The following SP7 variants were observed in gnomAD, a reference collection of about 807,000 sequenced individuals.
The protein encoded by SP7 is transcription factor Sp7.
Under a neutral mutation model 27.9 loss-of-function variants are expected in SP7, and 13 were observed. The observed-to-expected ratio is 0.47, with a 90% confidence interval of 0.30 to 0.74. The LOEUF (loss-of-function observed/expected upper bound fraction) is 0.74, where lower values mean the gene tolerates loss of function less well. Among genes scored for constraint, SP7 ranks in the 30% least tolerant of loss-of-function variants. The pLI is 0.06. For synonymous variants in SP7, 219 were observed against 226.7 expected, an observed-to-expected ratio of 0.97 and a Z score of 0.31; for missense variants, 525 against 558.0, an observed-to-expected ratio of 0.94 and a Z score of 0.60.
At position 53,329,198 on chromosome 12, in the gene SP7, G is replaced by C; in HGVS notation, c.244C>G (p.Pro82Ala). The change falls in exon 3 of 3, where the codon CCA becomes GCA. Residue 82 changes from proline to alanine, a missense_variant. Physicochemically the swap from Pro to Ala is conservative, Grantham distance 27. Coordinates refer to ENST00000536324, the MANE Select transcript of SP7 (RefSeq NM_001173467.3). ...TTAGCATAGCCTGAGGTGGGTGCTG[G>C]AGGACTGCCTGCAGGTGAAAGGAGC... ...NGLLSPAGSP[P>A]APTSGYANDY... is the part of the protein sequence containing the mutation. 6.2e-7 allele frequency: 1 copy of C among 1,613,840 alleles called. No homozygotes were observed. The highest frequency in any genetic ancestry group is 8.5e-7 in the Non-Finnish European group (1 of 1,179,890).
chr12:53,328,123 G>A lies in SP7; in HGVS notation c.*23C>T. The stretch of plus-strand genomic sequence containing the variant: ...AAGAGAGACTGTCAGGGCAGCCCTG[G>A]GGTGGGAGACCTTCCACCCGGCTCA... On this transcript the variant is annotated 3_prime_UTR_variant, in exon 3 of 3. Transcript: ENST00000536324. The surrounding 1 kb of genome is among the most constrained non-coding windows in gnomAD (Gnocchi z 5.1). 6.3e-7 allele frequency: 1 copy of A among 1,583,546 alleles called. No individual in the cohort carries two copies. The highest frequency in any genetic ancestry group is 8.6e-7 in the Non-Finnish European group (1 of 1,166,078).
chr12:53,329,005 C>G lies in SP7; in HGVS notation c.437G>C (p.Gly146Ala), dbSNP rs751266057. ...GSWYKAGIHA[G>A]ISPGPGNTPT... ...AGTGTTGCCTGGGCCTGGTGAAATG[C>G]CTGCATGGATGCCTGCCTTGTACCA... The change falls in exon 3 of 3, where the codon GGC becomes GCC. Residue 146 changes from glycine to alanine, a missense_variant. Coordinates refer to ENST00000536324, the MANE Select transcript of SP7 (RefSeq NM_001173467.3). 3 of 1,613,576 alleles carry G rather than the reference C, an allele frequency of 1.9e-6. No homozygotes were observed. Among genetic ancestry groups the G allele is most frequent in the Non-Finnish European group, 2.5e-6 (3 of 1,179,714 alleles).
At chr12:53,329,454 G>A (rs565184327) in intron 2 of SP7, 34 bp from the exon 3 acceptor site, 60 of 1,591,578 alleles carry the variant, frequency 3.8e-5, no homozygotes, top group Non-Finnish European at 5.2e-5. Flanking sequence ...TTAGGGAGAG[G>A]GGAGGAGAGG....
At position 53,327,161 on chromosome 12, in the gene SP7, A is replaced by C. The variant is rs556489043; in HGVS notation, c.*985T>G. On this transcript the variant is annotated 3_prime_UTR_variant, in exon 3 of 3. Transcript: ENST00000536324. ...TCTGCAGTCAAGGGAGATGGGGTAC[A>C]TTCCAGTCCTTCTCCCCTCCATAGG... The C allele has an allele frequency of 1.3e-5, 2 of 152,780 alleles. No homozygotes were observed. Among genetic ancestry groups the C allele is most frequent in the East Asian group, 1.9e-4 (1 of 5,180 alleles). The allele number at this position is 152,780 out of a possible 1,614,324, so 9.5% of individuals were successfully genotyped here.
upstream of SP7, among the ~76,000 whole-genome samples, chr12:53,337,553 A>C (rs1375401463): frequency 6.6e-6 from 1 of 152,074 alleles, no homozygotes; most frequent in African/African-American, 2.4e-5. Context: ...CTGTCAGGGG[A>C]ATAAAGCCCC....
In SP7 at chr12:53,342,090, C is replaced by G. The variant is rs1410830658; in HGVS notation, c.-34+3024G>C. Among the ~76,000 whole-genome samples, 3 of 151,612 alleles carry G rather than the reference C, an allele frequency of 2.0e-5. No individual in the cohort carries two copies. The East Asian group carries it at 5.8e-4, about 29-fold the overall frequency. ...AAAACAAAAAACAAACAAACAAACC[C>G]TGTCTCTACTAAAAATACAAAAATT... On this transcript the variant is annotated intron_variant, in intron 1 of 1. Coordinates refer to the SP7 transcript ENST00000547755.
At position 53,328,225 on chromosome 12, in the gene SP7, G is replaced by T; in HGVS notation, c.1217C>A (p.Pro406His). The change falls in exon 3 of 3, where the codon CCC becomes CAC. Residue 406 changes from proline (P) to histidine (H), a missense_variant. Coordinates refer to ENST00000536324, the MANE Select transcript of SP7 (RefSeq NM_001173467.3). This position sits in a 1 kb window ranked among gnomAD's most constrained non-coding sequence, Gnocchi z 5.1. Reference sequence around the variant, plus strand: ...GGTTGCTGGCGAGGCAGAAGGTCGGGGCGTCTGACTGGCCTCCTCTTCCCC... The same window carrying T: ...GGTTGCTGGCGAGGCAGAAGGTCGGTGCGTCTGACTGGCCTCCTCTTCCCC... ...STGEEEASQT[P>H]RPSASPATPE... The T allele has an allele frequency of 6.2e-7, 1 of 1,613,152 alleles. No homozygotes were observed. The highest frequency in any genetic ancestry group is 1.1e-5 in the South Asian group (1 of 91,026).
At chr12:53,329,553 G>T (rs1190719355) in intron 2 of SP7, 133 bp from the exon 3 acceptor site, 3 of 755,818 alleles carry the variant, frequency 4.0e-6, no homozygotes, top group African/African-American at 3.5e-5. Context: ...AGAGGGTGGA[G>T]AATTACAGGT....
Position 53,335,672 on chromosome 12 carries a change from G to A in SP7, c.-26C>T. ...CCTGAGGCTGGGGAACGGGTCCCAA[G>A]GAGCCAGGCAGATGGAGAGAGCTGA... On this transcript the variant is annotated 5_prime_UTR_variant, in exon 2 of 3. Coordinates refer to ENST00000536324, the MANE Select transcript of SP7 (RefSeq NM_001173467.3). The A allele has an allele frequency of 1.3e-6, 2 of 1,522,426 alleles. No individual in the cohort carries two copies. The highest frequency in any genetic ancestry group is 1.8e-6 in the Non-Finnish European group (2 of 1,129,820). 94.3% of individuals were successfully genotyped at this position (1,522,426 alleles called of 1,614,324 possible).
upstream of SP7, among the ~76,000 whole-genome samples, chr12:53,338,655 AAACCCTACTATTCTCTATTCG>A (rs1423754617): frequency 1.3e-5 from 2 of 152,134 alleles, no homozygotes; most frequent in Non-Finnish European, 2.9e-5. Flanking sequence ...AGACGTATTC[AAACCCTACTATTCTCTATTCG>A]AACCCTACTA....
intron 2 of SP7, among the ~76,000 whole-genome samples, chr12:53,334,331 TACACACACACACACACACACACAC>T (rs57611228): frequency 1.1e-4 from 15 of 139,614 alleles, no homozygotes; most frequent in Admixed American, 8.6e-4. Flanking sequence ...TGGCCCAACT[TACACACACACACACACACACACAC>T]ACACACACAC....
chr12:53,339,285 C>G (rs1944802288), upstream of SP7, among the ~76,000 whole-genome samples: 1 of 152,178 alleles, frequency 6.6e-6, no homozygotes, highest in Non-Finnish European at 1.5e-5. Flanking sequence ...GGCTGAACCA[C>G]AGGAACCATT....
At chr12:53,337,734 A>G (rs1487252899), upstream of SP7, among the ~76,000 whole-genome samples, 1 of 152,072 alleles carries the variant, frequency 6.6e-6, no homozygotes, top group African/African-American at 2.4e-5. Context: ...GTAGGCACCA[A>G]TTTCAGGGTA....
At chr12:53,341,992 A>C (rs1476225999) in intron 1 of SP7, among the ~76,000 whole-genome samples, 2 of 151,770 alleles carry the variant, frequency 1.3e-5, no homozygotes. Flanking sequence ...CGGGAGGTGG[A>C]GCTTGCAGTG....
intron 2 of SP7, among the ~76,000 whole-genome samples, chr12:53,335,303 C>T (rs1944754234): frequency 1.3e-5 from 2 of 151,536 alleles, no homozygotes; most frequent in African/African-American, 4.9e-5. Flanking sequence ...CGCCCCCCTC[C>T]CCCTCCTTTC....
chr12:53,341,760 A>G (rs1369340146), intron 1 of SP7, among the ~76,000 whole-genome samples: 3 of 152,228 alleles, frequency 2.0e-5, no homozygotes, highest in East Asian at 3.9e-4. Flanking sequence ...CGTGGCCAAC[A>G]TGGCAAAACC....
chr12:53,332,741 G>T (rs1592533585), intron 2 of SP7, among the ~76,000 whole-genome samples: 1 of 152,188 alleles, frequency 6.6e-6, no homozygotes, highest in African/African-American at 2.4e-5. Context: ...AAAAGAAAAG[G>T]GGGAGGAGGA....
In SP7 at chr12:53,329,203, C is replaced by T. The variant is rs979377718; in HGVS notation, c.239G>A (p.Ser80Asn). The change falls in exon 3 of 3, where the codon AGT becomes AAT. Residue 80 changes from serine (S) to asparagine (N), a missense_variant. Transcript: ENST00000536324. ...ATAGCCTGAGGTGGGTGCTGGAGGACTGCCTGCAGGTGAAAGGAGCCCATT... is the reference window on the plus strand; with the variant it reads ...ATAGCCTGAGGTGGGTGCTGGAGGATTGCCTGCAGGTGAAAGGAGCCCATT... Reference protein sequence around the residue: ...STNGLLSPAGSPPAPTSGYAN... With the variant: ...STNGLLSPAGNPPAPTSGYAN... 1 of 1,613,676 alleles carries T rather than the reference C, an allele frequency of 6.2e-7. No homozygotes were observed. The highest frequency in any genetic ancestry group is 8.5e-7 in the Non-Finnish European group (1 of 1,179,872).
chr12:53,343,032 A>G (rs1186898917), intron 1 of SP7, among the ~76,000 whole-genome samples: 2 of 151,764 alleles, frequency 1.3e-5, no homozygotes, highest in African/African-American at 4.8e-5. Flanking sequence ...GCAGTGGCTC[A>G]TGCCTGTAAT....
Sources: gnomAD v4.1 joint callset for allele counts (sites outside exome capture counted in the v4.1 genomes callset) on GRCh38, gnomAD v4.1.1 for gene constraint, Gnocchi (gnomAD v3.1) non-coding constraint, MANE v1.5 for transcripts, NCBI Gene and HGNC (gene_info 2026-07-23, HGNC 2026-07-21) for gene names.